Variants in SLC35F4 observed in about 807,000 individuals in gnomAD.
SLC35F4 encodes solute carrier family 35 member F4.
A neutral mutation model predicts 44.2 loss-of-function variants in SLC35F4; 24 were observed. The ratio of observed to expected loss-of-function variants is 0.54; its 90% CI spans 0.39 to 0.76. The LOEUF is 0.76. Ranked by LOEUF, SLC35F4 falls within the 30% of genes least tolerant of loss-of-function variation. SLC35F4 has a pLI of 0.00. For synonymous variants in SLC35F4, 238 were observed against 223.6 expected (o/e 1.06, Z -0.57); for missense variants, 562 against 586.1 (o/e 0.96, Z 0.42).
intron 1 of SLC35F4, among the ~76,000 whole-genome samples, chr14:57,683,340 G>A (rs1036491052): frequency 1.2e-4 from 18 of 152,088 alleles, no homozygotes; most frequent in Admixed American, 6.6e-5. Flanking sequence ...TCTACCACTG[G>A]ACAAGTTAAG....
intron 1 of SLC35F4, among the ~76,000 whole-genome samples, chr14:57,771,851 C>G (rs2077371994): frequency 6.6e-6 from 1 of 152,186 alleles, no homozygotes. Flanking sequence ...GCTTTGGCCT[C>G]CCAAAGTGCT....
intron 1 of SLC35F4, among the ~76,000 whole-genome samples, chr14:57,694,076 C>G (rs2075309192): frequency 1.3e-5 from 2 of 152,138 alleles, no homozygotes; most frequent in Non-Finnish European, 2.9e-5. Context: ...AGAATTCAAT[C>G]ATTTGTAACA....
chr14:57,666,239 T>A (rs1054996383), intron 1 of SLC35F4, among the ~76,000 whole-genome samples: 1 of 152,220 alleles, frequency 6.6e-6, no homozygotes, highest in Non-Finnish European at 1.5e-5. Flanking sequence ...CATGTGTGAA[T>A]AGAGAGACCC....
At chr14:57,930,169 G>A (rs1243364989) in intron 1 of SLC35F4, among the ~76,000 whole-genome samples, 1 of 152,182 alleles carries the variant, frequency 6.6e-6, no homozygotes. Context: ...GGAGCCACAA[G>A]AAAGTGTCAC....
At chr14:57,939,363 G>A (rs924453582) in intron 1 of SLC35F4, among the ~76,000 whole-genome samples, 13 of 152,124 alleles carry the variant, frequency 8.5e-5, no homozygotes, top group African/African-American at 3.1e-4. Flanking sequence ...GTCAACCAAG[G>A]AGCATGACCA....
chr14:57,971,947 G>T (rs1300581441), downstream of SLC35F4, among the ~76,000 whole-genome samples: 1 of 152,238 alleles, frequency 6.6e-6, no homozygotes, highest in African/African-American at 2.4e-5. Context: ...GAAAAACCAT[G>T]GGAGAGTCTA....
intron 1 of SLC35F4, among the ~76,000 whole-genome samples, chr14:57,821,276 C>G (rs1164473886): frequency 6.6e-6 from 1 of 152,130 alleles, no homozygotes; most frequent in African/African-American, 2.4e-5. Context: ...TCTTCCCAGG[C>G]TTTTGGATTT....
At position 57,699,111 on chromosome 14, in the gene SLC35F4, A is replaced by G. The variant is rs543143883; in HGVS notation, c.104-104987T>C. 1.1e-3 allele frequency among the ~76,000 whole-genome samples: 162 copies of G among 152,312 alleles called. 1 individual carries two copies. Among genetic ancestry groups the G allele is most frequent in the Non-Finnish European group, 2.0e-3 (138 of 68,024 alleles). On this transcript the variant is annotated intron_variant, in intron 1 of 7. Coordinates refer to ENST00000556826, the MANE Select transcript of SLC35F4 (RefSeq NM_001306087.2). ...TCTGCCTTCTGTAGGAATAGACCATATAGACATTTTATGAAATGAAAATGT... is the reference window on the plus strand; with the variant it reads ...TCTGCCTTCTGTAGGAATAGACCATGTAGACATTTTATGAAATGAAAATGT...
intron 1 of SLC35F4, among the ~76,000 whole-genome samples, chr14:57,707,208 A>G (rs2075698861): frequency 6.6e-6 from 1 of 152,198 alleles, no homozygotes; most frequent in Admixed American, 6.5e-5. Flanking sequence ...TTCCTGAGAT[A>G]AGGTGACACA....
chr14:57,631,426 G>C (rs1298630429), intron 1 of SLC35F4, among the ~76,000 whole-genome samples: 1 of 152,100 alleles, frequency 6.6e-6, no homozygotes, highest in African/African-American at 2.4e-5. Context: ...AAGGGGCATT[G>C]TTGATCATAA....
chr14:57,969,016 A>C (rs913427738), intron 1 of SLC35F4, among the ~76,000 whole-genome samples: 10 of 152,238 alleles, frequency 6.6e-5, no homozygotes, highest in Non-Finnish European at 1.5e-4. Context: ...CTTTATATTT[A>C]AAGATTAATA....
intron 4 of SLC35F4, among the ~76,000 whole-genome samples, chr14:57,575,702 A>G (rs1466809663): frequency 6.6e-6 from 1 of 152,228 alleles, no homozygotes; most frequent in Non-Finnish European, 1.5e-5. Context: ...ATGCCAGTTG[A>G]GTGGCATGGC....
At chr14:57,644,892 G>T (rs896515476) in intron 1 of SLC35F4, among the ~76,000 whole-genome samples, 7 of 152,264 alleles carry the variant, frequency 4.6e-5, no homozygotes, top group East Asian at 3.9e-4. Context: ...TTTCCCCATT[G>T]CTTGTTTTTG....
chr14:57,618,731 A>T (rs1703454), intron 1 of SLC35F4, among the ~76,000 whole-genome samples: 2 of 152,086 alleles, frequency 1.3e-5, no homozygotes, highest in African/African-American at 4.8e-5. Context: ...GCCAGGGAGC[A>T]AAGTGGTCTG....
intron 1 of SLC35F4, among the ~76,000 whole-genome samples, chr14:57,676,664 C>G (rs1401422806): frequency 6.6e-6 from 1 of 151,996 alleles, no homozygotes; most frequent in South Asian, 2.1e-4. Context: ...TATAAAAATA[C>G]TCTATATCAC....
At position 57,737,281 on chromosome 14, in the gene SLC35F4, T is replaced by C. The variant is rs554375656; in HGVS notation, c.103+128442A>G. Among the ~76,000 whole-genome samples, 112 of 152,120 alleles carry C rather than the reference T, an allele frequency of 7.4e-4. 1 individual carries two copies. The highest frequency in any genetic ancestry group is 2.6e-3 in the African/African-American group (109 of 41,400). On this transcript the variant is annotated intron_variant, in intron 1 of 7. Transcript: ENST00000556826. ...ATTGGTTCCAGTCAGTGATTAGGAA[T>C]ACCTGGGCTGACATATCACCCCTAT...
At chr14:57,631,322 T>C (rs960510340) in intron 1 of SLC35F4, among the ~76,000 whole-genome samples, 1 of 152,030 alleles carries the variant, frequency 6.6e-6, no homozygotes, top group African/African-American at 2.4e-5. Flanking sequence ...CTATGAAGAT[T>C]TGGAAAATAG....
At chr14:57,730,440 T>C (rs549779056) in intron 1 of SLC35F4, among the ~76,000 whole-genome samples, 24 of 152,192 alleles carry the variant, frequency 1.6e-4, no homozygotes, top group Non-Finnish European at 3.1e-4. Context: ...CATTTGTAGA[T>C]CTTCTTTTGA....
At chr14:57,688,475 G>T (rs1167562085) in intron 1 of SLC35F4, among the ~76,000 whole-genome samples, 1 of 152,166 alleles carries the variant, frequency 6.6e-6, no homozygotes, top group Non-Finnish European at 1.5e-5. Context: ...ATTTTGATGA[G>T]ATTATGGGTT....
Sources: gnomAD v4.1 joint callset for allele counts (sites outside exome capture counted in the v4.1 genomes callset) on GRCh38, gnomAD v4.1.1 for gene constraint, MANE v1.5 for transcripts, NCBI Gene and HGNC (gene_info 2026-07-23, HGNC 2026-07-21) for gene names.